The following PPP2R2A variants were observed in gnomAD, a reference collection of about 807,000 sequenced individuals.
The protein encoded by PPP2R2A is protein phosphatase 2 regulatory subunit Balpha.
PPP2R2A carries 9 observed loss-of-function variants against 53.2 expected under a neutral mutation model. That is an observed-to-expected ratio of 0.17 (90% confidence interval 0.10 to 0.30). PPP2R2A has a LOEUF of 0.30. Ranked by LOEUF, PPP2R2A falls within the 10% of genes least tolerant of loss-of-function variation. The pLI, the probability that PPP2R2A is intolerant of heterozygous loss-of-function variation, is 1.00. For missense variants in PPP2R2A, 235 were observed against 534.6 expected (o/e 0.44, Z 5.53); for synonymous variants, 169 against 174.2 (o/e 0.97, Z 0.23).
At chr8:26,312,530 C>T (rs947812421) in intron 2 of PPP2R2A, among the ~76,000 whole-genome samples, 3 of 152,178 alleles carry the variant, frequency 2.0e-5, no homozygotes, top group African/African-American at 7.2e-5. Context: ...ATAAATAGAT[C>T]TATTGTGCTG....
chr8:26,326,331 T>G (rs1185265239), intron 2 of PPP2R2A, among the ~76,000 whole-genome samples: 2 of 152,242 alleles, frequency 1.3e-5, no homozygotes, highest in African/African-American at 4.8e-5. Flanking sequence ...CATGTCTGAC[T>G]GGATTGCTTT....
At position 26,360,714 on chromosome 8, in the gene PPP2R2A, C is replaced by T. The variant is rs1371809874; in HGVS notation, c.460-260C>T. The T allele has an allele frequency of 4.8e-6, 2 of 419,624 alleles. No individual in the cohort carries two copies. Among genetic ancestry groups the T allele is most frequent in the Non-Finnish European group, 8.3e-6 (2 of 240,546 alleles). The allele number at this position is 419,624 out of a possible 1,614,324, so 26.0% of individuals were successfully genotyped here. A position where few individuals can be genotyped will look rare whatever the true frequency, so the allele number is the denominator to read the frequency against. On this transcript the variant is annotated intron_variant, in intron 5 of 9. Coordinates refer to ENST00000380737, the MANE Select transcript of PPP2R2A (RefSeq NM_002717.4). This position sits in a 1 kb window ranked among gnomAD's most constrained non-coding sequence, Gnocchi z 4.5. ...ATAAACATTTATTAGCTTGGCATGT[C>T]TTTCAAGCAAAATATTGAAACTAAG... is the stretch of plus-strand genomic sequence containing the variant.
At chr8:26,330,116 C>T (rs1464855464) in intron 2 of PPP2R2A, among the ~76,000 whole-genome samples, 5 of 152,088 alleles carry the variant, frequency 3.3e-5, no homozygotes, top group Non-Finnish European at 7.4e-5. Flanking sequence ...ACTTTTTCTT[C>T]CTGTCTTTGC....
intron 2 of PPP2R2A, among the ~76,000 whole-genome samples, chr8:26,332,685 A>G (rs980993330): frequency 1.3e-5 from 2 of 152,194 alleles, no homozygotes; most frequent in Non-Finnish European, 2.9e-5. Flanking sequence ...AGTGCCTTGA[A>G]TGTAGCAGAT....
chr8:26,360,142 A>T lies in PPP2R2A; in HGVS notation c.347-27A>T. On this transcript the variant is annotated intron_variant, in intron 4 of 9. Transcript: ENST00000380737. This position sits in a 1 kb window ranked among gnomAD's most constrained non-coding sequence, Gnocchi z 4.5. The stretch of plus-strand genomic sequence containing the variant: ...AAATGTTTTTCTTCTTCAGTATTTT[A>T]AGGACTTTTCTTTATTTTCTTCCCA... The T allele has an allele frequency of 7.7e-7, 1 of 1,304,942 alleles. No homozygotes were observed. Among genetic ancestry groups the T allele is most frequent in the Non-Finnish European group, 1.1e-6 (1 of 914,912 alleles). 80.8% of individuals were successfully genotyped at this position (1,304,942 alleles called of 1,614,324 possible). A position where few individuals can be genotyped will look rare whatever the true frequency, so the allele number is the denominator to read the frequency against.
Position 26,362,539 on chromosome 8 carries a change from G to T in PPP2R2A, c.638-145G>T. On this transcript the variant is annotated intron_variant, in intron 6 of 9. Coordinates refer to ENST00000380737, the MANE Select transcript of PPP2R2A (RefSeq NM_002717.4). The surrounding 1 kb of genome is among the most constrained non-coding windows in gnomAD (Gnocchi z 4.4). Reference sequence around the variant, plus strand: ...TAAAAAAAAAAGTTTTAATCCCTTTGGAATTTATACTCATAAAAACAGTGG... The same window carrying T: ...TAAAAAAAAAAGTTTTAATCCCTTTTGAATTTATACTCATAAAAACAGTGG... 1.3e-6 allele frequency: 1 copy of T among 743,862 alleles called. No individual in the cohort carries two copies. Among genetic ancestry groups the T allele is most frequent in the Non-Finnish European group, 2.1e-6 (1 of 475,222 alleles). The allele number at this position is 743,862 out of a possible 1,614,324, so 46.1% of individuals were successfully genotyped here.
At chr8:26,357,056 A>G (rs968741465) in intron 4 of PPP2R2A, among the ~76,000 whole-genome samples, 2 of 152,236 alleles carry the variant, frequency 1.3e-5, no homozygotes, top group African/African-American at 4.8e-5. Context: ...GTGCTTAATA[A>G]TAGAGTCCAA....
chr8:26,352,065 A>C lies in PPP2R2A; in HGVS notation c.181-2403A>C, dbSNP rs539468559. Among the ~76,000 whole-genome samples, 5 of 152,338 alleles carry C rather than the reference A, an allele frequency of 3.3e-5. No homozygotes were observed. The East Asian group carries it at 9.6e-4, about 29-fold the overall frequency. The stretch of plus-strand genomic sequence containing the variant: ...ATGCAAATAGATTGTATGGTTAGGA[A>C]GATGATTCTCATAGTGATCATAAAG... On this transcript the variant is annotated intron_variant, in intron 3 of 9. Coordinates refer to ENST00000380737, the MANE Select transcript of PPP2R2A (RefSeq NM_002717.4).
At chr8:26,335,552 T>C (rs997811387) in intron 2 of PPP2R2A, among the ~76,000 whole-genome samples, 1 of 152,196 alleles carries the variant, frequency 6.6e-6, no homozygotes, top group African/African-American at 2.4e-5. Flanking sequence ...TACTCTACAC[T>C]ATTCAGATAA....
chr8:26,305,100 A>T (rs1472465334), intron 2 of PPP2R2A, among the ~76,000 whole-genome samples: 1 of 152,212 alleles, frequency 6.6e-6, no homozygotes, highest in Non-Finnish European at 1.5e-5. Context: ...AGCTCTTGGC[A>T]GCTACCATTC....
chr8:26,369,888 T>A (rs1805582346), intron 9 of PPP2R2A, among the ~76,000 whole-genome samples: 4 of 152,208 alleles, frequency 2.6e-5, no homozygotes, highest in African/African-American at 9.7e-5. Flanking sequence ...CTAAGAAGTT[T>A]TACTTGAGGA....
chr8:26,363,700 G>T, intron 7 of PPP2R2A, 21 bp from the exon 8 acceptor site: 2 of 1,540,154 alleles, frequency 1.3e-6, no homozygotes, highest in African/African-American at 1.4e-5. Flanking sequence ...CCCTTTTTGT[G>T]TTGTTTTGTT....
chr8:26,355,931 G>C (rs1232001872), intron 4 of PPP2R2A, among the ~76,000 whole-genome samples: 3 of 151,932 alleles, frequency 2.0e-5, no homozygotes, highest in Non-Finnish European at 4.4e-5. Flanking sequence ...ATGATGAGTT[G>C]GGTGCTTTCT....
At chr8:26,335,914 A>G (rs1803634497) in intron 2 of PPP2R2A, among the ~76,000 whole-genome samples, 1 of 152,246 alleles carries the variant, frequency 6.6e-6, no homozygotes, top group African/African-American at 2.4e-5. Flanking sequence ...TGTTCCTGCC[A>G]TAAGAAGTGA....
In PPP2R2A at chr8:26,359,416, T is replaced by C. The variant is rs1267728813; in HGVS notation, c.347-753T>C. On this transcript the variant is annotated intron_variant, in intron 4 of 9. Transcript: ENST00000380737. ...ACACGTACCATGGTTGCGTAAGATG[T>C]TGACAGAAGAAACTGGGTAAAGGAT... Among the ~76,000 whole-genome samples, 9 of 152,176 alleles carry C rather than the reference T, an allele frequency of 5.9e-5. No individual in the cohort carries two copies. The East Asian group carries it at 1.5e-3, about 26-fold the overall frequency.
At chr8:26,327,124 G>T (rs1803129235) in intron 2 of PPP2R2A, among the ~76,000 whole-genome samples, 1 of 152,190 alleles carries the variant, frequency 6.6e-6, no homozygotes. Context: ...GCGGGTGCCT[G>T]AGTGGGGTCT....
At chr8:26,309,799 G>A (rs1160059962) in intron 2 of PPP2R2A, among the ~76,000 whole-genome samples, 1 of 152,156 alleles carries the variant, frequency 6.6e-6, no homozygotes, top group African/African-American at 2.4e-5. Context: ...GTCAGAACAC[G>A]CAGCATTTTT....
intron 2 of PPP2R2A, among the ~76,000 whole-genome samples, chr8:26,329,702 G>A (rs751891303): frequency 1.3e-5 from 2 of 152,114 alleles, no homozygotes; most frequent in Non-Finnish European, 2.9e-5. Flanking sequence ...CTGGAAAAAA[G>A]CTTGGTTATT....
intron 2 of PPP2R2A, among the ~76,000 whole-genome samples, chr8:26,307,261 T>A (rs964328869): frequency 6.6e-6 from 1 of 152,240 alleles, no homozygotes; most frequent in South Asian, 2.1e-4. Flanking sequence ...ATCTAAGATA[T>A]ACAAGTCTTT....
Sources: allele counts gnomAD v4.1 joint callset (sites outside exome capture counted in the v4.1 genomes callset), GRCh38; gene constraint gnomAD v4.1.1; non-coding constraint Gnocchi (gnomAD v3.1); transcripts MANE v1.5; gene names NCBI Gene and HGNC (gene_info 2026-07-23, HGNC 2026-07-21).